The following BLTP1 variants were observed in gnomAD, a reference collection of about 807,000 sequenced individuals.
BLTP1 encodes fragile site-associated protein.
chr4:122,202,306 A>T, the BLTP1 span, among the ~76,000 whole-genome samples: 1 of 152,134 alleles, frequency 6.6e-6, no homozygotes, highest in African/African-American at 2.4e-5. Flanking sequence ...GAAAAAAATT[A>T]TAGCTAAAAC....
the BLTP1 span, chr4:122,349,772 A>G: frequency 1.3e-6 from 2 of 1,559,082 alleles, no homozygotes; most frequent in Non-Finnish European, 1.7e-6. The surrounding 1 kb of genome is among the most constrained non-coding windows in gnomAD (Gnocchi z 4.5). Flanking sequence ...CAAATTAAAA[A>G]GCTGGGCGGG....
the BLTP1 span, chr4:122,203,794 A>T: frequency 5.8e-6 from 3 of 517,872 alleles, no homozygotes; most frequent in Non-Finnish European, 7.4e-6. Context: ...AAAGAAAAAA[A>T]CTAACACGAT....
At chr4:122,356,375 T>G in the BLTP1 span, among the ~76,000 whole-genome samples, 2 of 152,178 alleles carry the variant, frequency 1.3e-5, no homozygotes, top group African/African-American at 4.8e-5. Context: ...AACCAGTAAG[T>G]ATAATGCAAA....
chr4:122,281,081 GT>G, the BLTP1 span, among the ~76,000 whole-genome samples: 1 of 152,106 alleles, frequency 6.6e-6, no homozygotes, highest in East Asian at 1.9e-4. Context: ...ACTTATTAAA[GT>G]GAGATAAATG....
the BLTP1 span, chr4:122,207,255 A>T: frequency 2.5e-6 from 4 of 1,606,166 alleles, no homozygotes; most frequent in Non-Finnish European, 3.4e-6. Flanking sequence ...CTACTAAACA[A>T]CAGGAAAATG....
At chr4:122,167,276 A>G in the BLTP1 span, among the ~76,000 whole-genome samples, 2 of 152,078 alleles carry the variant, frequency 1.3e-5, no homozygotes. Context: ...CTTCCTTTAT[A>G]TATCTCAAAC....
the BLTP1 span, chr4:122,244,055 G>A: frequency 7.8e-6 from 12 of 1,545,264 alleles, no homozygotes; most frequent in Non-Finnish European, 1.0e-5. Flanking sequence ...AAATACAACT[G>A]TTGCTTTATA....
chr4:122,305,781 T>G, the BLTP1 span: 3 of 1,369,108 alleles, frequency 2.2e-6, no homozygotes, highest in Non-Finnish European at 1.9e-6. Context: ...AAATGTATTA[T>G]AGTTTTTTTG....
the BLTP1 span, among the ~76,000 whole-genome samples, chr4:122,268,818 G>A: frequency 6.6e-6 from 1 of 152,150 alleles, no homozygotes; most frequent in Non-Finnish European, 1.5e-5. Context: ...GTGAACAATA[G>A]GTATGCTTCA....
chr4:122,170,592 A>G, the BLTP1 span: 4 of 1,488,988 alleles, frequency 2.7e-6, no homozygotes, highest in Non-Finnish European at 3.5e-6. Flanking sequence ...CTGATTCTAA[A>G]TTTAACCTTT....
At chr4:122,167,175 A>G in the BLTP1 span, among the ~76,000 whole-genome samples, 2 of 152,168 alleles carry the variant, frequency 1.3e-5, no homozygotes, top group East Asian at 1.9e-4. Flanking sequence ...GTACATAAAT[A>G]CATTTACAGC....
At chr4:122,314,120 G>A in the BLTP1 span, 1 of 984,932 alleles carries the variant, frequency 1.0e-6, no homozygotes, top group Non-Finnish European at 1.2e-6. Context: ...TTCATGGAGG[G>A]ACAAACATTT....
At chr4:122,290,180 G>C in the BLTP1 span, among the ~76,000 whole-genome samples, 1 of 152,156 alleles carries the variant, frequency 6.6e-6, no homozygotes, top group Non-Finnish European at 1.5e-5. Flanking sequence ...GCTACTTAAT[G>C]ATCATATTGA....
the BLTP1 span, among the ~76,000 whole-genome samples, chr4:122,185,640 C>T: frequency 6.6e-6 from 1 of 151,910 alleles, no homozygotes; most frequent in African/African-American, 2.4e-5. Context: ...AGTTCAAATA[C>T]CAATATGATA....
the BLTP1 span, chr4:122,204,254 T>C: frequency 1.3e-6 from 1 of 789,812 alleles, no homozygotes; most frequent in Non-Finnish European, 1.5e-6. Flanking sequence ...ATGTAAGACC[T>C]GAGTACAGAG....
At chr4:122,228,353 A>C in the BLTP1 span, among the ~76,000 whole-genome samples, 2 of 152,208 alleles carry the variant, frequency 1.3e-5, no homozygotes, top group Non-Finnish European at 2.9e-5. Context: ...AAGATATAGA[A>C]CATTTCTATC....
chr4:122,241,162 A>G, the BLTP1 span, among the ~76,000 whole-genome samples: 1 of 152,164 alleles, frequency 6.6e-6, no homozygotes, highest in African/African-American at 2.4e-5. Flanking sequence ...AGGAGATAAT[A>G]TTTAGACTTA....
the BLTP1 span, chr4:122,194,900 G>A: frequency 1.9e-5 from 3 of 154,044 alleles, no homozygotes; most frequent in Admixed American, 2.0e-4. Context: ...AAAACACTCA[G>A]GTTTATTTAA....
chr4:122,173,008 T>A, the BLTP1 span: 4 of 1,611,600 alleles, frequency 2.5e-6, no homozygotes, highest in Non-Finnish European at 3.4e-6. Flanking sequence ...GTAAATCCTA[T>A]TATTTCTGAT....
Sources: gnomAD v4.1 joint callset for allele counts (sites outside exome capture counted in the v4.1 genomes callset) on GRCh38, gnomAD v4.1.1 for gene constraint, Gnocchi (gnomAD v3.1) non-coding constraint, MANE v1.5 for transcripts, NCBI Gene and HGNC (gene_info 2026-07-23, HGNC 2026-07-21) for gene names.